LIG3: variants seen among roughly 807,000 people sequenced by gnomAD.
The protein encoded by LIG3 is DNA ligase 3.
In LIG3, 58 loss-of-function variants were observed where a neutral mutation model predicts 110.9. The observed-to-expected ratio is 0.52, with a 90% CI of 0.42 to 0.65. The LOEUF (loss-of-function observed/expected upper bound fraction) is 0.65, where lower values mean the gene tolerates loss of function less well. LIG3 is among the 30% of genes least tolerant of loss of function. LIG3 has a pLI of 0.00. For missense variants in LIG3, 1,094 were observed against 1,273.8 expected (o/e 0.86, Z 2.15); for synonymous variants, 422 against 472.8 (o/e 0.89, Z 1.39).
intron 19 of LIG3, chr17:35,003,022 A>G: frequency 6.2e-7 from 1 of 1,614,224 alleles, no homozygotes; most frequent in Non-Finnish European, 8.5e-7. Flanking sequence ...GCAGAGAGGA[A>G]GAACTGTGCC....
intron 3 of LIG3, among the ~76,000 whole-genome samples, chr17:34,986,976 C>A (rs1470110822): frequency 6.6e-6 from 1 of 152,180 alleles, no homozygotes; most frequent in Non-Finnish European, 1.5e-5. Context: ...AGGGATGAAG[C>A]TTGCAGACTT....
In LIG3 at chr17:34,983,205, G is replaced by T. The variant is rs748659769; in HGVS notation, c.200G>T (p.Arg67Leu). Residue 67 changes from arginine (R) to leucine (L), a missense_variant, in exon 2 of 20, where the codon CGT becomes CTT. Physicochemically the swap from Arg to Leu is moderately radical, Grantham distance 102. Coordinates refer to ENST00000378526, the MANE Select transcript of LIG3 (RefSeq NM_013975.4). ...LSFQGSHLRS[R>L]ATYLVFLPGL... is the part of the protein sequence containing the mutation. ...TTCCAGGGAAGCCATCTAAGATCAC[G>T]TGCCACCTACCTTGTTTTCTTGCCA... The T allele has an allele frequency of 4.3e-6, 7 of 1,614,044 alleles. No individual in the cohort carries two copies. The highest frequency in any genetic ancestry group is 4.0e-5 in the African/African-American group (3 of 74,918).
In LIG3 at chr17:34,991,058, CT is replaced by C. The variant is rs765883512; in HGVS notation, c.989del (p.Phe330SerfsTer16). Reference sequence around the variant, plus strand: ...CTTGAACGATAAGCAGATTGTGAAGCTTTTCAGTCGCATTTTTAACTGCAAC... The same window carrying C: ...CTTGAACGATAAGCAGATTGTGAAGCTTTCAGTCGCATTTTTAACTGCAAC... ...YNLNDKQIVKLFSRIFNCNPD... is the reference protein window; with the variant it reads ...YNLNDKQIVKXFSRIFNCNPD... On this transcript the variant is annotated frameshift_variant, in exon 5 of 20. Coordinates refer to ENST00000378526, the MANE Select transcript of LIG3 (RefSeq NM_013975.4). LOFTEE classifies it high-confidence loss of function. The C allele has an allele frequency of 1.6e-5, 26 of 1,614,140 alleles. No individual in the cohort carries two copies. The highest frequency in any genetic ancestry group is 2.2e-5 in the Non-Finnish European group (26 of 1,180,012).
At position 34,980,635 on chromosome 17, in the gene LIG3, GCGGCGCGGCA is replaced by G. The variant is rs763947631; in HGVS notation, c.-5+23_-5+32del. ...GCCGGAGAGGCAGGTGAGGGGCTAC[GCGGCGCGGCA>G]CGGCGCGGCGGGGCCCGGCGTGGGG... On this transcript the variant is annotated intron_variant, in intron 1 of 19. Coordinates refer to ENST00000378526, the MANE Select transcript of LIG3 (RefSeq NM_013975.4). The G allele has an allele frequency of 1.6e-6, 2 of 1,260,896 alleles. No individual in the cohort carries two copies. Among genetic ancestry groups the G allele is most frequent in the East Asian group, 6.6e-5 (1 of 15,056 alleles). The allele number at this position is 1,260,896 out of a possible 1,614,324, so 78.1% of individuals were successfully genotyped here. A position where few individuals can be genotyped will look rare whatever the true frequency, so the allele number is the denominator to read the frequency against.
chr17:34,996,085 AT>A lies in LIG3; in HGVS notation c.1635del (p.Gln547ArgfsTer9). 6.2e-7 allele frequency: 1 copy of A among 1,614,060 alleles called. No homozygotes were observed. The highest frequency in any genetic ancestry group is 8.5e-7 in the Non-Finnish European group (1 of 1,179,960). The part of the protein sequence containing the change: ...PHKVAHFKDY[I>X]PQAFPGGHSM... Reference sequence around the variant, plus strand: ...TCAGGTGGCCCACTTTAAGGACTACATTCCCCAGGCTTTTCCTGGGGGCCAC... The same window carrying A: ...TCAGGTGGCCCACTTTAAGGACTACATCCCCAGGCTTTTCCTGGGGGCCAC... On this transcript the variant is annotated frameshift_variant, in exon 10 of 20. Transcript: ENST00000378526. LOFTEE classifies it high-confidence loss of function.
chr17:34,998,347 C>A, intron 13 of LIG3, 51 bp downstream of exon 13: 2 of 1,510,376 alleles, frequency 1.3e-6, no homozygotes, highest in Non-Finnish European at 1.8e-6. Context: ...CAGCCCTCTC[C>A]CCTGAGCCTT....
chr17:34,996,104 G>A lies in LIG3; in HGVS notation c.1652G>A (p.Gly551Glu), dbSNP rs748193611. Reference sequence around the variant, plus strand: ...GACTACATTCCCCAGGCTTTTCCTGGGGGCCACAGCATGATCTTGGATTCT... The same window carrying A: ...GACTACATTCCCCAGGCTTTTCCTGAGGGCCACAGCATGATCTTGGATTCT... ...FKDYIPQAFP[G>E]GHSMILDSEV... The change falls in exon 10 of 20, where the codon GGG becomes GAG. Residue 551 changes from glycine to glutamate, a missense_variant. Gly to Glu is a moderately conservative substitution (Grantham distance 98, BLOSUM62 -2). Transcript: ENST00000378526. 2 of 1,614,130 alleles carry A rather than the reference G, an allele frequency of 1.2e-6. No homozygotes were observed. Among genetic ancestry groups the A allele is most frequent in the South Asian group, 1.1e-5 (1 of 91,086 alleles).
intron 8 of LIG3, 112 bp from the exon 9 acceptor site, chr17:34,994,164 A>G: frequency 6.4e-6 from 6 of 935,774 alleles, no homozygotes; most frequent in Non-Finnish European, 9.6e-6. Flanking sequence ...GTGGGCAGTC[A>G]GTCCCAAGAC....
intron 5 of LIG3, chr17:34,991,330 C>T (rs1034409427): frequency 2.9e-5 from 17 of 583,816 alleles, no homozygotes; most frequent in Non-Finnish European, 1.8e-5. Context: ...AACTGCTGAA[C>T]CACAAAGGCC....
In LIG3 at chr17:34,990,903, G is replaced by C. The variant is rs944038516; in HGVS notation, c.890-60G>C. ...TGAGCCACCTTGCCCAGCCTTCTTT[G>C]AGTTTATATATTTATTTGTTTAAGC... On this transcript the variant is annotated intron_variant, in intron 4 of 19. Coordinates refer to ENST00000378526, the MANE Select transcript of LIG3 (RefSeq NM_013975.4). The C allele has an allele frequency of 5.2e-6, 8 of 1,552,544 alleles. No individual in the cohort carries two copies. In the African/African-American group the frequency reaches 9.6e-5, roughly 19 times the overall value.
intron 6 of LIG3, 47 bp downstream of exon 6, chr17:34,991,884 C>G (rs200917580): frequency 1.2e-6 from 2 of 1,613,580 alleles, no homozygotes; most frequent in East Asian, 2.2e-5. Context: ...GAGATGAACT[C>G]TCTTGGGAAG....
intron 19 of LIG3, chr17:35,003,306 C>A: frequency 1.9e-6 from 1 of 528,500 alleles, no homozygotes. Flanking sequence ...CTGAGCAATT[C>A]TTTTTTTTTT....
rs746318709 is a variant in LIG3, at chr17:35,005,336, G to A, written c.*830G>A. On this transcript the variant is annotated 3_prime_UTR_variant, in exon 20 of 20. Transcript: ENST00000378526. ...GTACCATATCCCATTCTTAGTGCTC[G>A]AGTGTTCCAACCTGAAGTTGAAGAA... 6.7e-5 allele frequency: 37 copies of A among 552,414 alleles called. 1 individual carries two copies. Among genetic ancestry groups the A allele is most frequent in the Admixed American group, 3.3e-4 (17 of 52,172 alleles). The allele number at this position is 552,414 out of a possible 1,614,324, so 34.2% of individuals were successfully genotyped here. A position where few individuals can be genotyped will look rare whatever the true frequency, so the allele number is the denominator to read the frequency against.
In LIG3 at chr17:35,007,246, C is replaced by T. The variant is rs542144847; in HGVS notation, c.*2740C>T. On this transcript the variant is annotated 3_prime_UTR_variant, in exon 20 of 20. Transcript: ENST00000378526. ...GCCTCTGCTGGCTGCAGGTGATCAT[C>T]TTGTCCCTTCTCTGCCTTAGTGTGT... 3 of 152,396 alleles carry T rather than the reference C, an allele frequency of 2.0e-5. No individual in the cohort carries two copies. In the East Asian group the frequency reaches 5.8e-4, roughly 29 times the overall value. The allele number at this position is 152,396 out of a possible 1,614,324, so 9.4% of individuals were successfully genotyped here.
chr17:34,998,578 G>A (rs751376032), intron 13 of LIG3, 26 bp from the exon 14 acceptor site: 44 of 1,612,690 alleles, frequency 2.7e-5, no homozygotes, highest in Non-Finnish European at 2.5e-6. Context: ...TTTCTATTCT[G>A]TGGTCTCTCT....
At chr17:34,983,661 G>A (rs2090628277) in intron 2 of LIG3, 109 bp downstream of exon 2, 3 of 1,090,112 alleles carry the variant, frequency 2.8e-6, no homozygotes, top group South Asian at 1.7e-5. Flanking sequence ...TTTAGAGATG[G>A]GGTCTCACTC....
In LIG3 at chr17:35,002,001, T is replaced by G; in HGVS notation, c.2571T>G (p.Asn857Lys). The G allele has an allele frequency of 6.2e-7, 1 of 1,612,784 alleles. No homozygotes were observed. Among genetic ancestry groups the G allele is most frequent in the Non-Finnish European group, 8.5e-7 (1 of 1,179,482 alleles). ...CTACAGGGGGTAGCAGTGAAGAGAA[T>G]AAGGGTCCCTCAGGGTCTGCTGTGT... ...SSTTGGSSEE[N>K]KGPSGSAVSR... Residue 857 changes from asparagine (N) to lysine (K), a missense_variant, in exon 18 of 20, where the codon AAT becomes AAG. Asn to Lys is a moderately conservative substitution (Grantham distance 94). Transcript: ENST00000378526.
At position 34,994,080 on chromosome 17, in the gene LIG3, A is replaced by G. The variant is rs1031454395; in HGVS notation, c.1456-196A>G. On this transcript the variant is annotated intron_variant, in intron 8 of 19. Transcript: ENST00000378526. Reference sequence around the variant, plus strand: ...CTATGTCAGCTCAGGTGATTATTTCATAGGCAGAATACAACATTGCCCAGC... The same window carrying G: ...CTATGTCAGCTCAGGTGATTATTTCGTAGGCAGAATACAACATTGCCCAGC... 1.0e-5 allele frequency: 5 copies of G among 497,398 alleles called. No individual in the cohort carries two copies. In the South Asian group the frequency reaches 1.0e-4, roughly 10 times the overall value. The allele number at this position is 497,398 out of a possible 1,614,324, so 30.8% of individuals were successfully genotyped here. A position where few individuals can be genotyped will look rare whatever the true frequency, so the allele number is the denominator to read the frequency against.
In LIG3 at chr17:34,996,048, C is replaced by T. The variant is rs2090773948; in HGVS notation, c.1612-16C>T. On this transcript the variant is annotated splice_polypyrimidine_tract_variant and intron_variant, in intron 9 of 19. Transcript: ENST00000378526. ...TGCCATGTCATCCCTCACCAAAGCT[C>T]CCCTTCTGCTTTCAGGTGGCCCACT... The T allele has an allele frequency of 1.9e-6, 3 of 1,609,732 alleles. No homozygotes were observed. The highest frequency in any genetic ancestry group is 2.5e-6 in the Non-Finnish European group (3 of 1,177,316).
Sources: gnomAD v4.1 joint callset for allele counts (sites outside exome capture counted in the v4.1 genomes callset) on GRCh38, gnomAD v4.1.1 for gene constraint, MANE v1.5 for transcripts, NCBI Gene and HGNC (gene_info 2026-07-23, HGNC 2026-07-21) for gene names.